Variants in MASP2 observed in about 807,000 individuals in gnomAD.
MASP2 encodes mannan-binding lectin serine protease 2.
In MASP2, 49 loss-of-function variants were observed where a neutral mutation model predicts 57.1. The ratio of observed to expected loss-of-function variants is 0.86; its 90% CI spans 0.68 to 1.09. The LOEUF (loss-of-function observed/expected upper bound fraction) is 1.09, where lower values mean the gene tolerates loss of function less well. Among genes scored for constraint, MASP2 ranks in the 50% least tolerant of loss-of-function variants. The pLI is 0.00. For synonymous variants in MASP2, 379 were observed against 340.8 expected, an observed-to-expected ratio of 1.11 and a Z score of -1.24; for missense variants, 900 against 874.8, an observed-to-expected ratio of 1.03 and a Z score of -0.36.
At chr1:11,044,888 C>G (rs1638578897) in intron 4 of MASP2, 2 of 1,587,716 alleles carry the variant, frequency 1.3e-6, no homozygotes, top group African/African-American at 2.7e-5. Context: ...CTGAGGCCAG[C>G]AGGCTGGCTC....
At chr1:11,030,449 G>C in intron 9 of MASP2, 199 bp from the exon 10 acceptor site, 1 of 584,870 alleles carries the variant, frequency 1.7e-6, no homozygotes, top group South Asian at 2.1e-5. Context: ...CCTTTTAGAT[G>C]TGTAACTTGA....
At chr1:11,036,043 G>A (rs899905178) in intron 7 of MASP2, among the ~76,000 whole-genome samples, 2 of 152,122 alleles carry the variant, frequency 1.3e-5, no homozygotes, top group East Asian at 1.9e-4. Context: ...TGTGAGCTTC[G>A]TCTGTGTGCT....
intron 6 of MASP2, among the ~76,000 whole-genome samples, chr1:11,038,478 A>C (rs1358948628): frequency 6.6e-6 from 1 of 152,126 alleles, no homozygotes; most frequent in Admixed American, 6.5e-5. Flanking sequence ...CATGAGCTGC[A>C]TTCCACTCTG....
rs564928597 is a variant in MASP2, at chr1:11,027,836, C to A, written c.1298-188G>T. 8.5e-5 allele frequency among the ~76,000 whole-genome samples: 13 copies of A among 152,288 alleles called. 1 individual carries two copies. The South Asian group carries it at 2.7e-3, about 32-fold the overall frequency. On this transcript the variant is annotated intron_variant, in intron 10 of 10. Coordinates refer to ENST00000400897, the MANE Select transcript of MASP2 (RefSeq NM_006610.4). Reference sequence around the variant, plus strand: ...ATCACAGTTCAAACACCTGATAAAACCTTTTGGTATTTCTTAGCTCCTCAG... The same window carrying A: ...ATCACAGTTCAAACACCTGATAAAAACTTTTGGTATTTCTTAGCTCCTCAG...
At chr1:11,040,134 T>G (rs1638379307) in intron 6 of MASP2, among the ~76,000 whole-genome samples, 1 of 147,846 alleles carries the variant, frequency 6.8e-6, no homozygotes, top group Admixed American at 6.7e-5. Flanking sequence ...GAAGGATGGG[T>G]GGATGGAAGG....
At chr1:11,043,309 G>C in intron 5 of MASP2, 30 bp downstream of exon 5, 1 of 1,576,896 alleles carries the variant, frequency 6.3e-7, no homozygotes, top group Non-Finnish European at 8.6e-7. Context: ...GGGAGGATCT[G>C]GGACAAGATG....
intron 7 of MASP2, 31 bp downstream of exon 7, chr1:11,037,662 A>G (rs760759263): frequency 7.3e-6 from 10 of 1,365,570 alleles, no homozygotes; most frequent in Admixed American, 2.0e-5. Flanking sequence ...AGCAATCGTC[A>G]TTGATCGTGG....
intron 6 of MASP2, among the ~76,000 whole-genome samples, chr1:11,041,599 GTGGA>G (rs555313272): frequency 0.062 from 7,271 of 117,436 alleles, 235 homozygotes; most frequent in South Asian, 0.13. Flanking sequence ...TGGATGGATG[GTGGA>G]TGGATGGATG....
intron 8 of MASP2, among the ~76,000 whole-genome samples, chr1:11,033,572 C>G (rs7544377): frequency 0.83 from 126,064 of 151,800 alleles, 52,387 homozygotes; most frequent in East Asian, 0.86. Flanking sequence ...TTGAACTCAG[C>G]AGGCAGAGGT....
chr1:11,039,363 T>G (rs1570748062), intron 6 of MASP2, among the ~76,000 whole-genome samples: 1 of 144,240 alleles, frequency 6.9e-6, no homozygotes, highest in Admixed American at 7.0e-5. Flanking sequence ...GATGGATGGA[T>G]GGATGGATGG....
chr1:11,045,887 C>T (rs1638623940), intron 3 of MASP2: 1 of 314,074 alleles, frequency 3.2e-6, no homozygotes, highest in African/African-American at 2.1e-5. Flanking sequence ...AATTGAGCCA[C>T]TTGCCAGAGG....
chr1:11,030,389 T>C, intron 9 of MASP2, 139 bp from the exon 10 acceptor site: 1 of 631,456 alleles, frequency 1.6e-6, no homozygotes, highest in Non-Finnish European at 2.8e-6. Flanking sequence ...TTTACATGAT[T>C]TCATAAATAG....
At chr1:11,030,528 A>G in intron 9 of MASP2, 2 of 581,606 alleles carry the variant, frequency 3.4e-6, no homozygotes, top group Non-Finnish European at 6.0e-6. Context: ...TTTGGAATAC[A>G]TTGTGTGTTT....
intron 6 of MASP2, among the ~76,000 whole-genome samples, chr1:11,038,949 A>C (rs956911580): frequency 1.1e-4 from 17 of 151,956 alleles, no homozygotes; most frequent in African/African-American, 4.1e-4. Context: ...CCCTGCCCCA[A>C]CTCATACCCA....
In MASP2 at chr1:11,046,578, G is replaced by A. The variant is rs1357867222; in HGVS notation, c.390C>T (p.Phe130=). ...DYSNEKPFTG[F]EAFYAAEDID... is the part of the protein sequence containing the mutation. ...CACCCTCGGCTGCATAGAAGGCCTC[G>A]AACCCCGTGAACGGCTTCTCGTTGG... Residue 130 remains phenylalanine (F), a synonymous_variant, in exon 3 of 11, where the codon TTC becomes TTT. Transcript: ENST00000400897. 5.6e-6 allele frequency: 9 copies of A among 1,613,914 alleles called. No homozygotes were observed. In the East Asian group the frequency reaches 8.9e-5, roughly 16 times the overall value.
chr1:11,030,920 A>T, intron 8 of MASP2, 38 bp from the exon 9 acceptor site: 2 of 1,598,022 alleles, frequency 1.3e-6, no homozygotes, highest in Non-Finnish European at 1.7e-6. Flanking sequence ...TCCATTGATC[A>T]TTTCAGTGCT....
At chr1:11,046,503 C>A (rs1419830257) in intron 3 of MASP2, 53 bp downstream of exon 3, 2 of 1,599,872 alleles carry the variant, frequency 1.3e-6, no homozygotes, top group Admixed American at 1.7e-5. Context: ...GACAGAGTTA[C>A]CCCCACAGCC....
chr1:11,046,758 G>A (rs1305906935), intron 2 of MASP2, 25 bp from the exon 3 acceptor site: 1 of 1,605,116 alleles, frequency 6.2e-7, no homozygotes, highest in South Asian at 1.1e-5. Flanking sequence ...GTCACAGGGA[G>A]TGAAGGCAAG....
intron 3 of MASP2, chr1:11,045,746 T>C: frequency 1.7e-6 from 1 of 588,918 alleles, no homozygotes; most frequent in Non-Finnish European, 3.0e-6. Context: ...GATGCAAACA[T>C]CACCTCTGTT....
Sources: allele counts gnomAD v4.1 joint callset (sites outside exome capture counted in the v4.1 genomes callset), GRCh38; gene constraint gnomAD v4.1.1; transcripts MANE v1.5; gene names NCBI Gene and HGNC (gene_info 2026-07-23, HGNC 2026-07-21).